Variants in ZNF691 observed in about 807,000 individuals in gnomAD.
ZNF691 encodes the protein zinc finger protein 691.
ZNF691 carries 11 observed loss-of-function variants against 24.1 expected under a neutral mutation model. The ratio of observed to expected loss-of-function variants is 0.46; its 90% CI spans 0.29 to 0.75. The LOEUF (loss-of-function observed/expected upper bound fraction) is 0.75, where lower values mean the gene tolerates loss of function less well. Ranked by LOEUF, ZNF691 falls within the 30% of genes least tolerant of loss-of-function variation. The pLI, the probability that ZNF691 is intolerant of heterozygous loss-of-function variation, is 0.11. For missense variants in ZNF691, 356 were observed against 409.0 expected (o/e 0.87, Z 1.12); for synonymous variants, 149 against 153.9 (o/e 0.97, Z 0.23).
Position 42,851,374 on chromosome 1 carries a change from A to G in ZNF691, c.509A>G (p.His170Arg). ...GAGCGGATCCACCTGGAAGAGAAAC[A>G]CTACAAATGCCCCAAGTGCCAGGAG... Reference protein sequence around the residue: ...RHERIHLEEKHYKCPKCQESF... With the variant: ...RHERIHLEEKRYKCPKCQESF... The change falls in exon 4 of 4, where the codon CAC becomes CGC. Residue 170 changes from histidine (H) to arginine (R), a missense_variant. By Grantham distance (29) the His-to-Arg change is conservative. Coordinates refer to ENST00000651192, the MANE Select transcript of ZNF691 (RefSeq NM_001242739.2). This position sits in a 1 kb window ranked among gnomAD's most constrained non-coding sequence, Gnocchi z 4.7. 1 of 1,614,086 alleles carries G rather than the reference A, an allele frequency of 6.2e-7. No individual in the cohort carries two copies. Among genetic ancestry groups the G allele is most frequent in the Non-Finnish European group, 8.5e-7 (1 of 1,180,018 alleles).
chr1:42,850,739 C>T (rs1330542359), intron 3 of ZNF691: 1 of 1,550,584 alleles, frequency 6.4e-7, no homozygotes, highest in Admixed American at 2.0e-5. Flanking sequence ...CTTCTTTTTG[C>T]TCTGGTGGGT....
Position 42,851,452 on chromosome 1 carries a change from A to C in ZNF691, c.587A>C (p.Lys196Thr). The change falls in exon 4 of 4, where the codon AAG (lysine) becomes ACG (threonine). Residue 196 changes from lysine to threonine, a missense_variant. Transcript: ENST00000651192. This position sits in a 1 kb window ranked among gnomAD's most constrained non-coding sequence, Gnocchi z 4.7. ...LTTHQQDHLGKRPYRCDICGK... is the reference protein window; with the variant it reads ...LTTHQQDHLGTRPYRCDICGK... ...ACGCACCAGCAAGATCACCTAGGCA[A>C]GCGGCCATACCGCTGTGACATCTGT... The C allele has an allele frequency of 6.2e-7, 1 of 1,614,218 alleles. No individual in the cohort carries two copies. Among genetic ancestry groups the C allele is most frequent in the Non-Finnish European group, 8.5e-7 (1 of 1,180,036 alleles).
intron 1 of ZNF691, among the ~76,000 whole-genome samples, chr1:42,847,357 C>G (rs776107822): frequency 2.6e-5 from 4 of 152,132 alleles, no homozygotes; most frequent in Non-Finnish European, 5.9e-5. Flanking sequence ...GCCCCATCTT[C>G]TTGGCTCTTA....
At chr1:42,846,850 G>A (rs1168602956) in intron 1 of ZNF691, among the ~76,000 whole-genome samples, 193 bp downstream of exon 1, 1 of 152,166 alleles carries the variant, frequency 6.6e-6, no homozygotes, top group African/African-American at 2.4e-5. Flanking sequence ...ACGCAGCCAG[G>A]TGGCTGTCCC....
In ZNF691 at chr1:42,849,406, T is replaced by C. The variant is rs1267086513; in HGVS notation, c.-102T>C. On this transcript the variant is annotated 5_prime_UTR_variant, in exon 2 of 4. Transcript: ENST00000651192. ...CATTTTTTTCTAATACAAAGTCTTG[T>C]AGTGTGGGTAGGTATCACAATTTTA... 1.6e-6 allele frequency: 1 copy of C among 623,404 alleles called. No homozygotes were observed. The highest frequency in any genetic ancestry group is 1.5e-5 in the South Asian group (1 of 66,008). 38.6% of individuals were successfully genotyped at this position (623,404 alleles called of 1,614,324 possible).
chr1:42,848,556 G>T (rs1305917415), intron 1 of ZNF691, among the ~76,000 whole-genome samples: 2 of 152,136 alleles, frequency 1.3e-5, no homozygotes, highest in African/African-American at 4.8e-5. Context: ...ATGGTTACTT[G>T]TGTCCCATGA....
chr1:42,847,511 A>T (rs1011549128), intron 1 of ZNF691, among the ~76,000 whole-genome samples: 1 of 152,132 alleles, frequency 6.6e-6, no homozygotes, highest in Non-Finnish European at 1.5e-5. Flanking sequence ...GTGCCTCTGT[A>T]CTTCAGCTGC....
intron 3 of ZNF691, among the ~76,000 whole-genome samples, chr1:42,849,999 ATATG>A (rs1655337066): frequency 1.3e-5 from 2 of 151,400 alleles, no homozygotes; most frequent in Non-Finnish European, 2.9e-5. Flanking sequence ...ATGTAGCTAT[ATATG>A]TGTGTGGCTG....
rs1323505107 is a variant in ZNF691, at chr1:42,851,661, G to A, written c.796G>A (p.Asp266Asn). The A allele has an allele frequency of 3.7e-6, 6 of 1,613,518 alleles. No individual in the cohort carries two copies. The highest frequency in any genetic ancestry group is 1.3e-5 in the African/African-American group (1 of 74,724). ...CACTGAGTGTGGGCGGACCTTCAGC[G>A]ATATCTCCAACTTTGGAGCACACCA... ...ECTECGRTFS[D>N]ISNFGAHQRT... The change falls in exon 4 of 4, where the codon GAT becomes AAT. Residue 266 changes from aspartate to asparagine, a missense_variant. Physicochemically the swap from Asp to Asn is conservative, Grantham distance 23. Coordinates refer to ENST00000651192, the MANE Select transcript of ZNF691 (RefSeq NM_001242739.2). The surrounding 1 kb of genome is among the most constrained non-coding windows in gnomAD (Gnocchi z 4.7).
chr1:42,847,422 C>G (rs771672693), intron 1 of ZNF691, among the ~76,000 whole-genome samples: 53 of 152,206 alleles, frequency 3.5e-4, no homozygotes, highest in Non-Finnish European at 7.5e-4. Flanking sequence ...CGTTGCTTCT[C>G]TCTGTGCAGC....
chr1:42,850,180 C>T (rs538894498), intron 3 of ZNF691, among the ~76,000 whole-genome samples: 3 of 137,314 alleles, frequency 2.2e-5, no homozygotes, highest in South Asian at 2.3e-4. Context: ...GAGAATATGG[C>T]TTTGTGTATG....
Position 42,851,537 on chromosome 1 carries a change from A to G in ZNF691, c.672A>G (p.Pro224=). ...LAVHHRTHLE[P]APYICCECGK... ...TGCATCACCGGACCCACCTGGAGCC[A>G]GCACCCTACATCTGCTGTGAGTGTG... The change falls in exon 4 of 4, where the codon CCA becomes CCG. Residue 224 remains proline, a synonymous_variant. Transcript: ENST00000651192. The surrounding 1 kb of genome is among the most constrained non-coding windows in gnomAD (Gnocchi z 4.7). 1.2e-6 allele frequency: 2 copies of G among 1,614,186 alleles called. No homozygotes were observed. Among genetic ancestry groups the G allele is most frequent in the Non-Finnish European group, 1.7e-6 (2 of 1,180,024 alleles).
chr1:42,849,127 G>A (rs957981503), intron 1 of ZNF691, among the ~76,000 whole-genome samples, 164 bp from the exon 2 acceptor site: 15 of 152,234 alleles, frequency 9.9e-5, no homozygotes, highest in Admixed American at 5.9e-4. Flanking sequence ...AATATTATCT[G>A]GCCCTTTACA....
Position 42,850,918 on chromosome 1 carries a change from TA to T in ZNF691, c.85-29del, listed in dbSNP as rs1196049270. 2.6e-6 allele frequency: 4 copies of T among 1,538,428 alleles called. No homozygotes were observed. In the African/African-American group the frequency reaches 4.2e-5, roughly 16 times the overall value. ...CTGTGATCTGGCCCAACCCAAAGAA[TA>T]AAGGTGTTGGCCATTTGTGTTCATT... On this transcript the variant is annotated intron_variant, in intron 3 of 3. Transcript: ENST00000651192.
chr1:42,851,058 C>T lies in ZNF691; in HGVS notation c.193C>T (p.Pro65Ser). 3 of 1,594,328 alleles carry T rather than the reference C, an allele frequency of 1.9e-6. No homozygotes were observed. The highest frequency in any genetic ancestry group is 2.6e-6 in the Non-Finnish European group (3 of 1,170,742). ...RVDDSEGSWI[P>S]PGEKEHGQES... ...GGATGACTCAGAGGGTTCTTGGATC[C>T]CACCTGGGGAGAAGGAGCATGGGCA... The change falls in exon 4 of 4, where the codon CCA (proline) becomes TCA (serine). Residue 65 changes from proline (P) to serine (S), a missense_variant. Pro to Ser is a moderately conservative substitution (Grantham distance 74). Coordinates refer to ENST00000651192, the MANE Select transcript of ZNF691 (RefSeq NM_001242739.2). This position sits in a 1 kb window ranked among gnomAD's most constrained non-coding sequence, Gnocchi z 4.7.
intron 3 of ZNF691, among the ~76,000 whole-genome samples, chr1:42,850,018 A>G (rs1004420871): frequency 1.3e-5 from 2 of 151,826 alleles, no homozygotes; most frequent in African/African-American, 4.8e-5. Flanking sequence ...TGGCTGTGGT[A>G]TGTGGCTATA....
rs977497803 is a variant in ZNF691 at position 42,851,351 on chromosome 1, G to A, written c.486G>A (p.Glu162=). 4 of 1,614,066 alleles carry A rather than the reference G, an allele frequency of 2.5e-6. No individual in the cohort carries two copies. Among genetic ancestry groups the A allele is most frequent in the Non-Finnish European group, 3.4e-6 (4 of 1,180,020 alleles). ...GAAGCTCCAACCGCATCCGGCACGA[G>A]CGGATCCACCTGGAAGAGAAACACT... ...FSRSSNRIRH[E]RIHLEEKHYK... is the part of the protein sequence containing the mutation. The change falls in exon 4 of 4, where the codon GAG becomes GAA. Residue 162 remains glutamate, a synonymous_variant. Coordinates refer to ENST00000651192, the MANE Select transcript of ZNF691 (RefSeq NM_001242739.2). The surrounding 1 kb of genome is among the most constrained non-coding windows in gnomAD (Gnocchi z 4.7).
In ZNF691 at chr1:42,851,211, A is replaced by AT; in HGVS notation, c.347dup (p.Cys117MetfsTer10). The AT allele has an allele frequency of 6.2e-7, 1 of 1,614,224 alleles. No individual in the cohort carries two copies. The highest frequency in any genetic ancestry group is 8.5e-7 in the Non-Finnish European group (1 of 1,180,042). On this transcript the variant is annotated frameshift_variant, in exon 4 of 4. Coordinates refer to ENST00000651192, the MANE Select transcript of ZNF691 (RefSeq NM_001242739.2). LOFTEE classifies it high-confidence loss of function. The surrounding 1 kb of genome is among the most constrained non-coding windows in gnomAD (Gnocchi z 4.7). ...GCATGAGGCAGATGAGAAGCCCTTT[A>AT]TATGTGCCCAGTGTGGCAAAACCTT... is the stretch of plus-strand genomic sequence containing the variant.
rs1655330421 is a variant in ZNF691, at chr1:42,849,760, T to C, written c.84+18T>C. On this transcript the variant is annotated intron_variant, in intron 3 of 3. Transcript: ENST00000651192. Reference sequence around the variant, plus strand: ...CATCAGAGGTACTTTTCCCCCCAACTCTTTCCCTGTCCTTGGCTGTAGGAA... The same window carrying C: ...CATCAGAGGTACTTTTCCCCCCAACCCTTTCCCTGTCCTTGGCTGTAGGAA... 5.2e-6 allele frequency: 8 copies of C among 1,545,870 alleles called. No homozygotes were observed. The highest frequency in any genetic ancestry group is 7.0e-6 in the Non-Finnish European group (8 of 1,142,442).
Sources: gnomAD v4.1 joint callset for allele counts (sites outside exome capture counted in the v4.1 genomes callset) on GRCh38, gnomAD v4.1.1 for gene constraint, Gnocchi (gnomAD v3.1) non-coding constraint, MANE v1.5 for transcripts, NCBI Gene and HGNC (gene_info 2026-07-23, HGNC 2026-07-21) for gene names.